The following EYA2 variants were observed in gnomAD, a reference collection of about 807,000 sequenced individuals.
The protein encoded by EYA2 is protein phosphatase EYA2.
Under a neutral mutation model 69.2 loss-of-function variants are expected in EYA2, and 31 were observed. The ratio of observed to expected loss-of-function variants is 0.45; its 90% confidence interval spans 0.34 to 0.60. The LOEUF (loss-of-function observed/expected upper bound fraction) is 0.60. EYA2 is among the 20% of genes least tolerant of loss of function. The pLI, the probability that EYA2 is intolerant of heterozygous loss-of-function variation, is 0.02. For synonymous variants in EYA2, 257 were observed against 279.4 expected (o/e 0.92, Z 0.80); for missense variants, 622 against 701.2 (o/e 0.89, Z 1.28).
intron 14 of EYA2, 86 bp downstream of exon 14, chr20:47,181,022 A>G (rs1189902698): frequency 2.6e-6 from 4 of 1,532,136 alleles, no homozygotes; most frequent in Non-Finnish European, 3.5e-6. Context: ...TTTAAGGAAC[A>G]TGACACCACA....
chr20:47,050,096 GATC>G (rs2030251668), intron 5 of EYA2, among the ~76,000 whole-genome samples: 1 of 152,268 alleles, frequency 6.6e-6, no homozygotes, highest in South Asian at 2.1e-4. Context: ...TGTTAACCTT[GATC>G]ATCATGCTCG....
intron 1 of EYA2, among the ~76,000 whole-genome samples, chr20:46,936,802 A>C (rs1038803681): frequency 6.6e-6 from 1 of 152,102 alleles, no homozygotes; most frequent in Non-Finnish European, 1.5e-5. Context: ...GTAACTCCCC[A>C]GAAGGCCATC....
intron 1 of EYA2, among the ~76,000 whole-genome samples, chr20:46,902,046 TC>T (rs772077604): frequency 7.9e-5 from 12 of 152,108 alleles, no homozygotes; most frequent in Non-Finnish European, 1.5e-4. Context: ...TCAAAATGTC[TC>T]AGCATTGCTC....
At chr20:46,923,258 C>T (rs1265705245) in intron 1 of EYA2, among the ~76,000 whole-genome samples, 1 of 152,112 alleles carries the variant, frequency 6.6e-6, no homozygotes, top group Non-Finnish European at 1.5e-5. Context: ...ACCAGCTACT[C>T]AGAGGCTGAG....
chr20:47,021,839 C>A (rs938427047), intron 5 of EYA2, among the ~76,000 whole-genome samples: 1 of 151,974 alleles, frequency 6.6e-6, no homozygotes, highest in African/African-American at 2.4e-5. Context: ...CAGCTCGAGA[C>A]CTCCGAGACT....
At chr20:46,997,494 AC>A (rs1408030116) in intron 2 of EYA2, 1 of 151,726 alleles carries the variant, frequency 6.6e-6, no homozygotes, top group Non-Finnish European at 1.5e-5. Flanking sequence ...GAGGCACTCT[AC>A]CCTCCCTACT....
rs777605520 is a variant in EYA2, at chr20:47,089,313, G to A, written c.736G>A (p.Asp246Asn). 40 of 1,614,048 alleles carry A rather than the reference G, an allele frequency of 2.5e-5. No individual in the cohort carries two copies. In the South Asian group the frequency reaches 3.3e-4, roughly 13 times the overall value. ...CACAGACAGGCCGCACCGGGCCTCC[G>A]ACGGGAAGCTCCGAGGCCGGTCTAA... ...GDTDRPHRASDGKLRGRSKRS... is the reference protein window; with the variant it reads ...GDTDRPHRASNGKLRGRSKRS... Residue 246 changes from aspartate (D) to asparagine (N), a missense_variant, in exon 8 of 16, where the codon GAC becomes AAC. This residue lies in a region of EYA2 where 365 missense variants were observed against 349.7 expected (regional missense o/e 1.04). Transcript: ENST00000327619.
intron 4 of EYA2, among the ~76,000 whole-genome samples, chr20:47,011,660 G>A (rs1275528787): frequency 2.6e-5 from 4 of 151,686 alleles, no homozygotes; most frequent in Non-Finnish European, 4.4e-5. Context: ...TTGCTCCTTT[G>A]CTTCCTTCAG....
intron 10 of EYA2, among the ~76,000 whole-genome samples, chr20:47,155,039 A>G (rs1193578496): frequency 6.6e-6 from 1 of 151,820 alleles, no homozygotes; most frequent in Admixed American, 6.6e-5. Flanking sequence ...TATTTTTAGT[A>G]GAGACAGGGT....
chr20:47,064,443 C>T (rs78120020), intron 5 of EYA2, among the ~76,000 whole-genome samples: 3 of 152,228 alleles, frequency 2.0e-5, no homozygotes, highest in African/African-American at 7.2e-5. Context: ...CTCCTGTGAA[C>T]TTTTGCATAC....
intron 14 of EYA2, among the ~76,000 whole-genome samples, chr20:47,182,305 G>A (rs570721761): frequency 6.4e-4 from 97 of 150,906 alleles, no homozygotes; most frequent in African/African-American, 2.2e-3. Flanking sequence ...ATGAACCACC[G>A]CACCTGGCCA....
chr20:47,050,442 A>G (rs1291237228), intron 5 of EYA2, among the ~76,000 whole-genome samples: 2 of 152,346 alleles, frequency 1.3e-5, no homozygotes, highest in East Asian at 3.9e-4. Flanking sequence ...CCCACTAGTG[A>G]TGGCAGGAGT....
intron 1 of EYA2, among the ~76,000 whole-genome samples, chr20:46,963,949 T>A (rs2146291212): frequency 6.6e-6 from 1 of 152,314 alleles, no homozygotes; most frequent in East Asian, 1.9e-4. Flanking sequence ...GGGTCCTTGG[T>A]CTTAGAGCTC....
intron 1 of EYA2, among the ~76,000 whole-genome samples, chr20:46,984,720 C>T (rs1006944863): frequency 8.5e-5 from 13 of 152,244 alleles, no homozygotes; most frequent in African/African-American, 3.1e-4. Context: ...ACACAGAAAT[C>T]CTCCACCTTG....
At position 47,016,298 on chromosome 20, in the gene EYA2, G is replaced by T; in HGVS notation, c.415+1G>T. The T allele has an allele frequency of 6.2e-7, 1 of 1,612,122 alleles. No homozygotes were observed. Among genetic ancestry groups the T allele is most frequent in the Non-Finnish European group, 8.5e-7 (1 of 1,178,120 alleles). ...AGCCCATACACCTACCAGATGCACG[G>T]TCAGTGTGGCGCTGTGGCCCCTTCC... On this transcript the variant is annotated splice_donor_variant, in intron 5 of 15. Transcript: ENST00000327619. LOFTEE classifies it high-confidence loss of function.
intron 1 of EYA2, among the ~76,000 whole-genome samples, chr20:46,966,350 G>A (rs1012342293): frequency 6.6e-6 from 1 of 152,162 alleles, no homozygotes; most frequent in South Asian, 2.1e-4. Flanking sequence ...GGCAGGTGCT[G>A]TTCTAAGCAC....
At chr20:47,168,666 C>A (rs2034256104) in intron 10 of EYA2, among the ~76,000 whole-genome samples, 1 of 152,224 alleles carries the variant, frequency 6.6e-6, no homozygotes, top group Middle Eastern at 3.4e-3. Context: ...CCTCCAGGAG[C>A]CAATACTTGA....
chr20:47,011,619 G>A (rs556245352), intron 4 of EYA2, among the ~76,000 whole-genome samples: 1 of 137,290 alleles, frequency 7.3e-6, no homozygotes, highest in South Asian at 2.3e-4. Context: ...CCCTCTGCCT[G>A]GACAGGTATT....
intron 5 of EYA2, among the ~76,000 whole-genome samples, chr20:47,018,297 CCATT>C (rs377411120): frequency 1.5e-4 from 22 of 142,554 alleles, no homozygotes; most frequent in Admixed American, 4.5e-4. Flanking sequence ...GGAGAGGCCC[CCATT>C]CATTCATTCA....
Sources: allele counts gnomAD v4.1 joint callset (sites outside exome capture counted in the v4.1 genomes callset), GRCh38; gene constraint gnomAD v4.1.1; regional missense constraint gnomAD v4.1.1; transcripts MANE v1.5; gene names NCBI Gene and HGNC (gene_info 2026-07-23, HGNC 2026-07-21).